The following STRA6 variants were observed in gnomAD, a reference collection of about 807,000 sequenced individuals.
The protein encoded by STRA6 is signaling receptor and transporter of retinol STRA6.
Under a neutral mutation model 83.6 loss-of-function variants are expected in STRA6, and 48 were observed. The observed-to-expected ratio is 0.57, with a 90% CI of 0.46 to 0.73. The LOEUF (loss-of-function observed/expected upper bound fraction) is 0.73, where lower values mean the gene tolerates loss of function less well. Among genes scored for constraint, STRA6 ranks in the 30% least tolerant of loss-of-function variants. STRA6 has a pLI of 0.00. For missense variants in STRA6, 760 were observed against 838.8 expected (o/e 0.91, Z 1.16); for synonymous variants, 353 against 362.3 (o/e 0.97, Z 0.29).
chr15:74,193,544 G>A (rs933291660), intron 8 of STRA6, among the ~76,000 whole-genome samples: 1 of 152,170 alleles, frequency 6.6e-6, no homozygotes, highest in African/African-American at 2.4e-5. Flanking sequence ...CCTGGCTTCT[G>A]ACTCAGTTCT....
upstream of STRA6, among the ~76,000 whole-genome samples, chr15:74,211,393 CTTTT>C (rs34963230): frequency 2.7e-5 from 2 of 73,890 alleles, no homozygotes; most frequent in East Asian, 4.3e-4. Flanking sequence ...CTGCCCCTGG[CTTTT>C]TTTTTTTTTT....
intron 1 of STRA6, chr15:74,207,811 T>C (rs539077455): frequency 6.5e-7 from 1 of 1,535,316 alleles, no homozygotes. Context: ...CACACACACA[T>C]CCAACTGCCC....
At position 74,189,159 on chromosome 15, in the gene STRA6, T is replaced by C; in HGVS notation, c.1046A>G (p.Gln349Arg). ...GTGCTTCACCAGCTCCACCACCTCC[T>C]GCTTGTCCTCGGAGAGCACGATTCC... ...GFGIVLSEDK[Q>R]EVVELVKHHL... is the part of the protein sequence containing the mutation. Residue 349 changes from glutamine (Q) to arginine (R), a missense_variant, in exon 12 of 19, where the codon CAG (glutamine) becomes CGG (arginine). Gln to Arg is a conservative substitution (Grantham distance 43). Transcript: ENST00000395105. The C allele has an allele frequency of 6.2e-7, 1 of 1,614,134 alleles. No individual in the cohort carries two copies. Among genetic ancestry groups the C allele is most frequent in the Non-Finnish European group, 8.5e-7 (1 of 1,180,030 alleles).
chr15:74,189,092 C>T (rs747166564), intron 12 of STRA6, 23 bp downstream of exon 12: 1 of 1,613,602 alleles, frequency 6.2e-7, no homozygotes, highest in Non-Finnish European at 8.5e-7. Flanking sequence ...CTGCAGCCCT[C>T]AGGGGCTCCC....
chr15:74,191,611 G>A (rs71399779), intron 8 of STRA6, 120 bp from the exon 9 acceptor site: 3 of 868,006 alleles, frequency 3.5e-6, no homozygotes, highest in South Asian at 1.4e-5. Flanking sequence ...GTTGGCCATG[G>A]CGGTGGTGGT....
chr15:74,182,615 C>T (rs1204153947), intron 14 of STRA6, 155 bp from the exon 15 acceptor site: 3 of 637,656 alleles, frequency 4.7e-6, no homozygotes, highest in Non-Finnish European at 8.3e-6. Flanking sequence ...GAACAAATCA[C>T]TTTACTTCAT....
intron 5 of STRA6, 26 bp downstream of exon 5, chr15:74,195,982 C>T (rs1179164048): frequency 1.2e-6 from 2 of 1,613,510 alleles, no homozygotes; most frequent in South Asian, 1.1e-5. Context: ...TCACACCAAC[C>T]CCAGGGCCTG....
Position 74,180,223 on chromosome 15 carries a change from T to G in STRA6, c.1861A>C (p.Lys621Gln), listed in dbSNP as rs2141991675. Residue 621 changes from lysine to glutamine, a missense_variant, in exon 19 of 19, where the codon AAG becomes CAG. Physicochemically the swap from Lys to Gln is moderately conservative, Grantham distance 53. Transcript: ENST00000395105. The part of the protein sequence containing the change: ...EDEGMQLLQT[K>Q]DSMAKGARPG... ...CTAGCTCCCTTGGCCATGGAGTCCT[T>G]TGTCTGTAGCAGCTGCATCCCTGAG... 6.2e-7 allele frequency: 1 copy of G among 1,614,066 alleles called. No individual in the cohort carries two copies.
rs200203042 is a variant in STRA6, at chr15:74,197,387, G to A, written c.217C>T (p.Arg73Cys). The A allele has an allele frequency of 5.2e-6, 8 of 1,550,506 alleles. No homozygotes were observed. Among genetic ancestry groups the A allele is most frequent in the East Asian group, 4.9e-5 (2 of 40,896 alleles). Reference protein sequence around the residue: ...VLLLLAMLVRRRQLWPDCVRG... With the variant: ...VLLLLAMLVRCRQLWPDCVRG... ...ACACAGTCAGGCCAGAGCTGGCGGCGCCTCACCAGCATGGCCAGGAGCAGC... is the reference window on the plus strand; with the variant it reads ...ACACAGTCAGGCCAGAGCTGGCGGCACCTCACCAGCATGGCCAGGAGCAGC... Residue 73 changes from arginine (R) to cysteine (C), a missense_variant, in exon 4 of 19, where the codon CGC (arginine) becomes TGC (cysteine). Coordinates refer to ENST00000395105, the MANE Select transcript of STRA6 (RefSeq NM_022369.4).
chr15:74,192,409 C>T (rs1020711301), intron 8 of STRA6, among the ~76,000 whole-genome samples: 5 of 152,146 alleles, frequency 3.3e-5, no homozygotes, highest in Non-Finnish European at 1.5e-5. Context: ...CTGCCTGCCA[C>T]GTGGGAGCCG....
At chr15:74,190,693 G>A in intron 11 of STRA6, 147 bp downstream of exon 11, 2 of 1,180,870 alleles carry the variant, frequency 1.7e-6, no homozygotes, top group East Asian at 4.8e-5. Flanking sequence ...CTTCTGGGTA[G>A]GCCAGAACTC....
chr15:74,180,726 C>T (rs2072934446), intron 18 of STRA6, 56 bp downstream of exon 18: 1 of 1,555,648 alleles, frequency 6.4e-7, no homozygotes, highest in Admixed American at 1.9e-5. Context: ...GGCACACATC[C>T]TTCCTAGAAG....
At chr15:74,211,181 A>C (rs543847370), upstream of STRA6, among the ~76,000 whole-genome samples, 11 of 124,852 alleles carry the variant, frequency 8.8e-5, no homozygotes, top group African/African-American at 3.0e-4. Flanking sequence ...ACACACACAC[A>C]CCTCACTGCT....
upstream of STRA6, among the ~76,000 whole-genome samples, chr15:74,206,961 G>T (rs970040941): frequency 1.3e-5 from 2 of 152,226 alleles, no homozygotes; most frequent in African/African-American, 4.8e-5. Context: ...CTCACTATGG[G>T]AGGAGGTCCT....
upstream of STRA6, chr15:74,209,338 G>T (rs1203239867): frequency 6.6e-7 from 1 of 1,521,774 alleles, no homozygotes; most frequent in Admixed American, 2.0e-5. Flanking sequence ...CCTTAGAGAA[G>T]CTGAGGAACC....
chr15:74,197,406 G>C lies in STRA6; in HGVS notation c.198C>G (p.Leu66=), dbSNP rs1266714433. 1 of 1,550,592 alleles carries C rather than the reference G, an allele frequency of 6.4e-7. No homozygotes were observed. The highest frequency in any genetic ancestry group is 8.7e-7 in the Non-Finnish European group (1 of 1,146,944). ...GGCGGCGCCTCACCAGCATGGCCAG[G>C]AGCAGCAGCACAAGGATCTGAAAGG... The part of the protein sequence containing the change: ...LASLSILVLL[L]LAMLVRRRQL... Residue 66 remains leucine, a synonymous_variant, in exon 4 of 19, where the codon CTC becomes CTG. Transcript: ENST00000395105.
intron 7 of STRA6, chr15:74,194,467 C>G: frequency 1.2e-6 from 1 of 805,558 alleles, no homozygotes; most frequent in African/African-American, 1.8e-5. Context: ...CAAGTTCCCC[C>G]TCTCAAAGCA....
intron 3 of STRA6, 145 bp from the exon 4 acceptor site, chr15:74,197,568 A>G: frequency 9.2e-7 from 1 of 1,082,052 alleles, no homozygotes; most frequent in East Asian, 2.6e-5. Flanking sequence ...TCAAGGGGTG[A>G]CAGACATCTG....
chr15:74,188,100 A>G lies in STRA6; in HGVS notation c.1090+1015T>C. ...CAGCAGCAGTTCCAGGGCAGCCTCTAGTACGGGAACTGAGGTGCTCACGGA... is the reference window on the plus strand; with the variant it reads ...CAGCAGCAGTTCCAGGGCAGCCTCTGGTACGGGAACTGAGGTGCTCACGGA... On this transcript the variant is annotated intron_variant, in intron 12 of 18. Transcript: ENST00000395105. This position sits in a 1 kb window ranked among gnomAD's most constrained non-coding sequence, Gnocchi z 4.5. Among the ~76,000 whole-genome samples the G allele has an allele frequency of 6.6e-6, 1 of 152,202 alleles. No homozygotes were observed. The highest frequency in any genetic ancestry group is 3.2e-3 in the Middle Eastern group (1 of 316).
Sources: gnomAD v4.1 joint callset for allele counts (sites outside exome capture counted in the v4.1 genomes callset) on GRCh38, gnomAD v4.1.1 for gene constraint, Gnocchi (gnomAD v3.1) non-coding constraint, MANE v1.5 for transcripts, NCBI Gene and HGNC (gene_info 2026-07-23, HGNC 2026-07-21) for gene names.